Variants in SUPT5H observed in about 807,000 individuals in gnomAD.
SUPT5H encodes transcription elongation factor SPT5.
In SUPT5H, 24 loss-of-function variants were observed where a neutral mutation model predicts 142.5. That is an observed-to-expected ratio of 0.17 (90% CI 0.12 to 0.24). The LOEUF (loss-of-function observed/expected upper bound fraction) is 0.24. Among genes scored for constraint, SUPT5H ranks in the 10% least tolerant of loss-of-function variants. The pLI, the probability that SUPT5H is intolerant of heterozygous loss-of-function variation, is 1.00. For missense variants in SUPT5H, 893 were observed against 1,471.8 expected, an observed-to-expected ratio of 0.61 and a Z score of 6.43; for synonymous variants, 546 against 553.0, an observed-to-expected ratio of 0.99 and a Z score of 0.18.
At position 39,474,507 on chromosome 19, in the gene SUPT5H, C is replaced by T. The variant is rs755838563; in HGVS notation, c.2821-8C>T. 6.2e-7 allele frequency: 1 copy of T among 1,613,964 alleles called. No individual in the cohort carries two copies. Among genetic ancestry groups the T allele is most frequent in the Non-Finnish European group, 8.5e-7 (1 of 1,179,876 alleles). The stretch of plus-strand genomic sequence containing the variant: ...TATTCCCAATGACACTTCCTCTTTC[C>T]CCTGCAGGCTAGCCCCAGCCCGAGC... On this transcript the variant is annotated splice_polypyrimidine_tract_variant and splice_region_variant and intron_variant, in intron 27 of 29. Coordinates refer to ENST00000432763, the MANE Select transcript of SUPT5H (RefSeq NM_001111020.3). This position sits in a 1 kb window ranked among gnomAD's most constrained non-coding sequence, Gnocchi z 6.5.
intron 3 of SUPT5H, 51 bp downstream of exon 3, chr19:39,453,572 T>G: frequency 6.9e-7 from 1 of 1,441,824 alleles, no homozygotes; most frequent in Non-Finnish European, 9.2e-7. Context: ...CTTCTACTTT[T>G]AGTTCCATTT....
Position 39,458,591 on chromosome 19 carries a change from C to A in SUPT5H, c.320-227C>A. On this transcript the variant is annotated intron_variant, in intron 5 of 29. Transcript: ENST00000432763. The surrounding 1 kb of genome is among the most constrained non-coding windows in gnomAD (Gnocchi z 4.2). ...GTGTGCCTGGACTTTGAGATGGGAACAGCTGGAAGCCCCCCAACTTGCTGG... is the reference window on the plus strand; with the variant it reads ...GTGTGCCTGGACTTTGAGATGGGAAAAGCTGGAAGCCCCCCAACTTGCTGG... 1 of 693,564 alleles carries A rather than the reference C, an allele frequency of 1.4e-6. No homozygotes were observed. Among genetic ancestry groups the A allele is most frequent in the Non-Finnish European group, 2.4e-6 (1 of 420,642 alleles). The allele number at this position is 693,564 out of a possible 1,614,324, so 43.0% of individuals were successfully genotyped here.
Position 39,476,078 on chromosome 19 carries a change from C to T in SUPT5H, c.3025-3C>T. The T allele has an allele frequency of 6.2e-7, 1 of 1,613,986 alleles. No homozygotes were observed. The highest frequency in any genetic ancestry group is 2.2e-5 in the East Asian group (1 of 44,872). The stretch of plus-strand genomic sequence containing the variant: ...GGCTGACCAGGCTGTCCCCATCCTC[C>T]AGGGGGGCATGTGCTCTGTGTACCT... On this transcript the variant is annotated splice_region_variant and splice_polypyrimidine_tract_variant and intron_variant, in intron 28 of 29. Transcript: ENST00000432763.
chr19:39,474,786 A>G lies in SUPT5H; in HGVS notation c.3024+68A>G. 1 of 1,492,018 alleles carries G rather than the reference A, an allele frequency of 6.7e-7. No homozygotes were observed. Among genetic ancestry groups the G allele is most frequent in the Non-Finnish European group, 9.1e-7 (1 of 1,097,948 alleles). The allele number at this position is 1,492,018 out of a possible 1,614,324, so 92.4% of individuals were successfully genotyped here. A position where few individuals can be genotyped will look rare whatever the true frequency, so the allele number is the denominator to read the frequency against. ...TTGGTACCCCCTAAACTGGAGACAG[A>G]CCTGTCCCCAGATGGTGACAGCCCA... On this transcript the variant is annotated intron_variant, in intron 28 of 29. Coordinates refer to ENST00000432763, the MANE Select transcript of SUPT5H (RefSeq NM_001111020.3). This position sits in a 1 kb window ranked among gnomAD's most constrained non-coding sequence, Gnocchi z 6.5.
chr19:39,445,765 A>G, intron 1 of SUPT5H, 39 bp from the exon 2 acceptor site: 2 of 1,125,658 alleles, frequency 1.8e-6, no homozygotes, highest in East Asian at 2.6e-5. Context: ...TGCCAAAACG[A>G]GCCTGCCGGA....
intron 2 of SUPT5H, among the ~76,000 whole-genome samples, chr19:39,449,274 C>T (rs1007247018): frequency 2.6e-5 from 4 of 151,902 alleles, no homozygotes; most frequent in South Asian, 2.1e-4. Flanking sequence ...GGGGCATCCT[C>T]CACTGGGAGG....
intron 19 of SUPT5H, 25 bp from the exon 20 acceptor site, chr19:39,471,580 G>A (rs1272289631): frequency 6.2e-7 from 1 of 1,614,034 alleles, no homozygotes; most frequent in East Asian, 2.2e-5. Context: ...ATGGTCAAGA[G>A]AGTGACCCTT....
At chr19:39,459,333 A>G (rs997905297) in intron 8 of SUPT5H, 84 bp downstream of exon 8, 3 of 1,495,270 alleles carry the variant, frequency 2.0e-6, no homozygotes, top group African/African-American at 1.4e-5. Flanking sequence ...GCTCCCTGAA[A>G]TAAGTCAGGG....
chr19:39,476,460 T>G lies in SUPT5H; in HGVS notation c.*61T>G, dbSNP rs928828889. The G allele has an allele frequency of 7.5e-6, 12 of 1,599,076 alleles. No individual in the cohort carries two copies. The African/African-American group carries it at 8.0e-5, about 11-fold the overall frequency. On this transcript the variant is annotated 3_prime_UTR_variant, in exon 30 of 30. Transcript: ENST00000432763. ...GTGATCCTCCTTCCTTCCCTGGCCC[T>G]TGGCTGTGACACAAGATCCTCCTGC...
chr19:39,469,531 C>T lies in SUPT5H; in HGVS notation c.1374+133C>T. The T allele has an allele frequency of 1.5e-6, 2 of 1,327,578 alleles. No homozygotes were observed. Among genetic ancestry groups the T allele is most frequent in the Non-Finnish European group, 2.1e-6 (2 of 966,004 alleles). 82.2% of individuals were successfully genotyped at this position (1,327,578 alleles called of 1,614,324 possible). On this transcript the variant is annotated intron_variant, in intron 16 of 29. Transcript: ENST00000432763. This position sits in a 1 kb window ranked among gnomAD's most constrained non-coding sequence, Gnocchi z 5.1. ...TAAGTTGAGGCCCTTCTAGCATTCTCAGGTGCCTGAGAGGCTCTGTCTGAG... is the reference window on the plus strand; with the variant it reads ...TAAGTTGAGGCCCTTCTAGCATTCTTAGGTGCCTGAGAGGCTCTGTCTGAG...
chr19:39,446,901 C>T (rs1471291421), intron 2 of SUPT5H, among the ~76,000 whole-genome samples: 2 of 152,148 alleles, frequency 1.3e-5, no homozygotes, highest in Admixed American at 6.6e-5. Flanking sequence ...CCCAGCTACT[C>T]GGGAGGCTGA....
intron 8 of SUPT5H, 76 bp from the exon 9 acceptor site, chr19:39,459,483 G>C: frequency 2.6e-6 from 4 of 1,567,212 alleles, no homozygotes; most frequent in Non-Finnish European, 3.5e-6. Context: ...GAGGAAGGGG[G>C]TGGCCCTGGG....
chr19:39,454,348 T>G (rs2079058450), intron 3 of SUPT5H, among the ~76,000 whole-genome samples: 1 of 133,040 alleles, frequency 7.5e-6, no homozygotes, highest in Non-Finnish European at 1.5e-5. Context: ...CATTTTGTTG[T>G]TGTCGTTGTT....
intron 2 of SUPT5H, among the ~76,000 whole-genome samples, chr19:39,447,202 A>G (rs539335810): frequency 6.6e-6 from 1 of 152,300 alleles, no homozygotes; most frequent in East Asian, 1.9e-4. Context: ...CTTTGGTTGG[A>G]TCAGAGTGAG....
At position 39,458,753 on chromosome 19, in the gene SUPT5H, C is replaced by G; in HGVS notation, c.320-65C>G. The G allele has an allele frequency of 6.7e-7, 1 of 1,485,896 alleles. No homozygotes were observed. 92.0% of individuals were successfully genotyped at this position (1,485,896 alleles called of 1,614,324 possible). A position where few individuals can be genotyped will look rare whatever the true frequency, so the allele number is the denominator to read the frequency against. ...CCCTGGCCCTCTTAGCTGCACGCTC[C>G]TATTTTCTCCAGGCCCCTGCCCTCC... is the stretch of plus-strand genomic sequence containing the variant. On this transcript the variant is annotated intron_variant, in intron 5 of 29. Coordinates refer to ENST00000432763, the MANE Select transcript of SUPT5H (RefSeq NM_001111020.3). This position sits in a 1 kb window ranked among gnomAD's most constrained non-coding sequence, Gnocchi z 4.2.
At chr19:39,463,761 G>C (rs958488869) in intron 10 of SUPT5H, among the ~76,000 whole-genome samples, 1 of 152,204 alleles carries the variant, frequency 6.6e-6, no homozygotes, top group African/African-American at 2.4e-5. Context: ...TGCAGTCAGT[G>C]ATTGTTACTG....
At chr19:39,467,228 C>G (rs1351498705) in intron 13 of SUPT5H, 1 of 152,326 alleles carries the variant, frequency 6.6e-6, no homozygotes, top group Admixed American at 6.5e-5. Context: ...ACTAAAAATA[C>G]AAAAATTAGC....
intron 2 of SUPT5H, among the ~76,000 whole-genome samples, chr19:39,449,630 G>A (rs2078995634): frequency 6.6e-6 from 1 of 151,832 alleles, no homozygotes; most frequent in South Asian, 2.1e-4. Flanking sequence ...GCTGCCTGGA[G>A]GAGGAAGGTT....
rs1426370031 is a variant in SUPT5H, at chr19:39,464,818, A to G, written c.645A>G (p.Val215=). 6.2e-7 allele frequency: 1 copy of G among 1,611,798 alleles called. No homozygotes were observed. Among genetic ancestry groups the G allele is most frequent in the Non-Finnish European group, 8.5e-7 (1 of 1,178,156 alleles). Residue 215 remains valine (V), a synonymous_variant, in exon 11 of 30, where the codon GTA becomes GTG. Transcript: ENST00000432763. ...TGCAGCCCCTGCAGATCAAGTCAGT[A>G]GTGGCACCAGAGCATGTGAAGGGCT... ...FTDTPLQIKS[V]VAPEHVKGYI...
Sources: gnomAD v4.1 joint callset for allele counts (sites outside exome capture counted in the v4.1 genomes callset) on GRCh38, gnomAD v4.1.1 for gene constraint, Gnocchi (gnomAD v3.1) non-coding constraint, MANE v1.5 for transcripts, NCBI Gene and HGNC (gene_info 2026-07-23, HGNC 2026-07-21) for gene names.